Variants in CADM2 observed in about 807,000 individuals in gnomAD.
The protein encoded by CADM2 is cell adhesion molecule 2, also known as immunoglobulin superfamily member 4D.
CADM2 carries 12 observed loss-of-function variants against 49.8 expected under a neutral mutation model. The ratio of observed to expected loss-of-function variants is 0.24; its 90% CI spans 0.15 to 0.39. The LOEUF is 0.39. Ranked by LOEUF, CADM2 falls within the 10% of genes least tolerant of loss-of-function variation. The pLI is 1.00. For synonymous variants in CADM2, 214 were observed against 175.4 expected, an observed-to-expected ratio of 1.22 and a Z score of -1.74; for missense variants, 378 against 492.3, an observed-to-expected ratio of 0.77 and a Z score of 2.20.
chr3:85,418,224 T>TTAC (rs4053301), intron 1 of CADM2, among the ~76,000 whole-genome samples: 1 of 151,858 alleles, frequency 6.6e-6, no homozygotes, highest in African/African-American at 2.4e-5. Flanking sequence ...CTACCTATCA[T>TTAC]ACATTTGTCA....
intron 1 of CADM2, among the ~76,000 whole-genome samples, chr3:85,402,747 C>T (rs2035177217): frequency 6.6e-6 from 1 of 152,098 alleles, no homozygotes; most frequent in African/African-American, 2.4e-5. Context: ...GATGCCAATG[C>T]CTGTGTTAGA....
chr3:85,371,865 A>G (rs1320319483), intron 1 of CADM2, among the ~76,000 whole-genome samples: 1 of 151,356 alleles, frequency 6.6e-6, no homozygotes, highest in Non-Finnish European at 1.5e-5. Context: ...GGTATGAGTT[A>G]TGGAGTCCTG....
chr3:85,661,922 G>C (rs1256715269), intron 1 of CADM2, among the ~76,000 whole-genome samples: 3 of 151,926 alleles, frequency 2.0e-5, no homozygotes, highest in Admixed American at 2.0e-4. Flanking sequence ...CTCTTTATCT[G>C]AAAGCAAGAT....
At chr3:85,292,345 C>T (rs2043823355) in intron 1 of CADM2, among the ~76,000 whole-genome samples, 1 of 150,812 alleles carries the variant, frequency 6.6e-6, no homozygotes, top group African/African-American at 2.5e-5. Flanking sequence ...TAGTGGGAGA[C>T]TTTAACACCC....
At chr3:85,347,610 A>ATATATACATATATACAT (rs1421582551) in intron 1 of CADM2, among the ~76,000 whole-genome samples, 76 of 90,010 alleles carry the variant, frequency 8.4e-4, no homozygotes, top group African/African-American at 2.3e-3. Context: ...TATATATAAA[A>ATATATACATATATACAT]ATATATATAC....
chr3:85,857,450 A>G (rs1221069569), intron 3 of CADM2, among the ~76,000 whole-genome samples: 24 of 152,154 alleles, frequency 1.6e-4, no homozygotes, highest in Admixed American at 1.6e-3. Flanking sequence ...CTCCGTGCCT[A>G]CCATAAACTC....
intron 1 of CADM2, among the ~76,000 whole-genome samples, chr3:85,079,352 T>C (rs953911696): frequency 1.3e-5 from 2 of 151,836 alleles, no homozygotes; most frequent in African/African-American, 4.8e-5. Context: ...TGAACTTTTG[T>C]ATGTGAACTT....
chr3:85,584,860 A>G (rs867904120), intron 1 of CADM2, among the ~76,000 whole-genome samples: 2 of 152,002 alleles, frequency 1.3e-5, no homozygotes, highest in South Asian at 4.1e-4. Context: ...TGCTACTTCT[A>G]AGCTAACTTC....
At chr3:85,131,701 A>G (rs1216723945) in intron 1 of CADM2, among the ~76,000 whole-genome samples, 1 of 152,210 alleles carries the variant, frequency 6.6e-6, no homozygotes, top group Non-Finnish European at 1.5e-5. Context: ...ACCCTTTTGA[A>G]AAGTGACTAT....
intron 8 of CADM2, among the ~76,000 whole-genome samples, chr3:85,983,544 C>G (rs1189779639): frequency 6.6e-6 from 1 of 151,530 alleles, no homozygotes; most frequent in East Asian, 1.9e-4. Context: ...AAGCAATACT[C>G]AATAAATGAC....
chr3:85,695,636 CA>C (rs2066528524), intron 1 of CADM2, among the ~76,000 whole-genome samples: 1 of 151,764 alleles, frequency 6.6e-6, no homozygotes. Context: ...ATACATACTA[CA>C]TTTTCTTTAT....
intron 1 of CADM2, among the ~76,000 whole-genome samples, chr3:85,079,481 G>A (rs1575821319): frequency 6.6e-6 from 1 of 151,674 alleles, no homozygotes; most frequent in African/African-American, 2.4e-5. Context: ...ATTTTTCATA[G>A]GGTTATTAAC....
intron 8 of CADM2, among the ~76,000 whole-genome samples, chr3:86,051,085 A>G (rs191778226): frequency 6.6e-6 from 1 of 152,150 alleles, no homozygotes; most frequent in Non-Finnish European, 1.5e-5. Flanking sequence ...TATCAATTGC[A>G]GTTATTCATC....
chr3:85,196,559 G>C (rs2041347987), intron 1 of CADM2, among the ~76,000 whole-genome samples: 2 of 151,898 alleles, frequency 1.3e-5, no homozygotes, highest in African/African-American at 4.8e-5. Context: ...GAGGTTTATA[G>C]GTTTTAAATA....
rs151183293 is a variant in CADM2, at chr3:85,409,555, A to G, written c.62-316967A>G. Among the ~76,000 whole-genome samples the G allele has an allele frequency of 1.1e-3, 166 of 152,234 alleles. 1 individual carries two copies. Among genetic ancestry groups the G allele is most frequent in the African/African-American group, 3.9e-3 (161 of 41,564 alleles). ...ATTCAAATTTTATATTGCCACAGAT[A>G]ATGAATCACCAAGGACATCAAATAG... On this transcript the variant is annotated intron_variant, in intron 1 of 9. Coordinates refer to ENST00000383699, the MANE Select transcript of CADM2 (RefSeq NM_001167675.2).
chr3:85,654,400 C>A (rs2065138481), intron 1 of CADM2, among the ~76,000 whole-genome samples: 1 of 152,106 alleles, frequency 6.6e-6, no homozygotes, highest in Non-Finnish European at 1.5e-5. Flanking sequence ...ATGCAGGGTT[C>A]ATTTATGCCA....
At position 85,714,781 on chromosome 3, in the gene CADM2, T is replaced by C. The variant is rs1050584721; in HGVS notation, c.62-11741T>C. Among the ~76,000 whole-genome samples the C allele has an allele frequency of 2.6e-5, 4 of 152,010 alleles. No homozygotes were observed. The East Asian group carries it at 7.7e-4, about 29-fold the overall frequency. ...ATTCTGCTTCTTTTCCCACCTCCTT[T>C]TACTCCCCTCGTTAAGATGATGCTA... On this transcript the variant is annotated intron_variant, in intron 1 of 9. Transcript: ENST00000383699.
chr3:85,998,719 G>GCA (rs1729746186), intron 8 of CADM2, among the ~76,000 whole-genome samples: 1 of 151,078 alleles, frequency 6.6e-6, no homozygotes, highest in African/African-American at 2.4e-5. Context: ...TTTGAAGATT[G>GCA]CTGTGATATA....
intron 3 of CADM2, among the ~76,000 whole-genome samples, chr3:85,855,621 C>CAT (rs142144366): frequency 0.095 from 5,120 of 53,770 alleles, 375 homozygotes; most frequent in East Asian, 0.28. Context: ...ATATATAAAA[C>CAT]ATATATATAT....
Sources: allele counts gnomAD v4.1 joint callset (sites outside exome capture counted in the v4.1 genomes callset), GRCh38; gene constraint gnomAD v4.1.1; transcripts MANE v1.5; gene names NCBI Gene and HGNC (gene_info 2026-07-23, HGNC 2026-07-21).